The following IGF2R variants were observed in gnomAD, a reference collection of about 807,000 sequenced individuals.
IGF2R encodes insulin like growth factor 2 receptor.
Under a neutral mutation model 270.6 loss-of-function variants are expected in IGF2R, and 91 were observed. The observed-to-expected ratio is 0.34, with a 90% CI of 0.28 to 0.40. The LOEUF (loss-of-function observed/expected upper bound fraction) is 0.40, where lower values mean the gene tolerates loss of function less well. Ranked by LOEUF, IGF2R falls within the 10% of genes least tolerant of loss-of-function variation. The probability of loss-of-function intolerance (pLI) is 1.00; values close to 1 mark genes in which losing one functional copy is unlikely to be tolerated. For synonymous variants in IGF2R, 1,316 were observed against 1,258.9 expected (o/e 1.05, Z -0.96); for missense variants, 2,805 against 3,188.3 (o/e 0.88, Z 2.90).
intron 35 of IGF2R, 52 bp from the exon 36 acceptor site, chr6:160,075,795 C>T (rs1221476365): frequency 6.3e-7 from 1 of 1,588,880 alleles, no homozygotes; most frequent in Non-Finnish European, 8.6e-7. Context: ...TTCCACTAAC[C>T]TTGGGAATGG....
At chr6:160,077,909 C>T (rs1341132953) in intron 36 of IGF2R, among the ~76,000 whole-genome samples, 1 of 152,192 alleles carries the variant, frequency 6.6e-6, no homozygotes, top group African/African-American at 2.4e-5. Context: ...ACATATAAGC[C>T]CTCCCCCTTT....
In IGF2R at chr6:160,076,217, A is replaced by G. The variant is rs576604553; in HGVS notation, c.5316+221A>G. On this transcript the variant is annotated intron_variant, in intron 36 of 47. Coordinates refer to ENST00000356956, the MANE Select transcript of IGF2R (RefSeq NM_000876.4). Reference sequence around the variant, plus strand: ...AGCATATAGAAACTTGCTGTAATTTAAAAACATAGAACACAAGTATAGAAA... The same window carrying G: ...AGCATATAGAAACTTGCTGTAATTTGAAAACATAGAACACAAGTATAGAAA... Among the ~76,000 whole-genome samples, 97 of 152,380 alleles carry G rather than the reference A, an allele frequency of 6.4e-4. No individual in the cohort carries two copies. In the Middle Eastern group the frequency reaches 0.01, roughly 16 times the overall value.
At chr6:160,040,800 C>A in intron 11 of IGF2R, 76 bp downstream of exon 11, 2 of 1,437,138 alleles carry the variant, frequency 1.4e-6, no homozygotes, top group Non-Finnish European at 9.5e-7. Flanking sequence ...TTTGGAAATG[C>A]GGTTACTATT....
intron 10 of IGF2R, among the ~76,000 whole-genome samples, chr6:160,039,050 C>G (rs1036951): frequency 0.35 from 52,519 of 151,952 alleles, 9,579 homozygotes; most frequent in East Asian, 0.75. Context: ...GGATCAAATA[C>G]ATTAATATAG....
intron 2 of IGF2R, among the ~76,000 whole-genome samples, chr6:160,000,338 G>T (rs774332774): frequency 6.6e-6 from 1 of 152,146 alleles, no homozygotes; most frequent in Non-Finnish European, 1.5e-5. Flanking sequence ...ATGGTGACAG[G>T]AGAGGAGTGG....
At chr6:160,094,277 C>T (rs1779297408) in intron 44 of IGF2R, 3 of 285,598 alleles carry the variant, frequency 1.1e-5, no homozygotes, top group African/African-American at 2.2e-5. Flanking sequence ...CTGAATGCCA[C>T]ACATCCATCC....
chr6:160,088,578 A>G (rs1053179003), intron 42 of IGF2R, among the ~76,000 whole-genome samples: 10 of 152,180 alleles, frequency 6.6e-5, no homozygotes, highest in Admixed American at 5.2e-4. Context: ...ATCTGGTGCC[A>G]GGGAGAGCTT....
Position 159,991,188 on chromosome 6 carries a change from A to G in IGF2R, c.154A>G (p.Thr52Ala), listed in dbSNP as rs1169649545. The change falls in exon 2 of 48, where the codon ACA becomes GCA. Residue 52 changes from threonine (T) to alanine (A), a missense_variant. Thr to Ala is a moderately conservative substitution (Grantham distance 58). Around this residue, in one of 2 missense-constraint regions of IGF2R, gnomAD observed 954 missense variants for 981.1 expected, o/e 0.97. Coordinates refer to ENST00000356956, the MANE Select transcript of IGF2R (RefSeq NM_000876.4). ...AAPFPELCSY[T>A]WEAVDTKNNV... Reference sequence around the variant, plus strand: ...GTTGTTTTTCTTCCTTTCCAGTTATACATGGGAAGCTGTTGATACCAAAAA... The same window carrying G: ...GTTGTTTTTCTTCCTTTCCAGTTATGCATGGGAAGCTGTTGATACCAAAAA... The G allele has an allele frequency of 1.2e-6, 2 of 1,606,866 alleles. No homozygotes were observed. Among genetic ancestry groups the G allele is most frequent in the Non-Finnish European group, 8.5e-7 (1 of 1,176,916 alleles).
In IGF2R at chr6:160,089,741, T is replaced by C. The variant is rs149513322; in HGVS notation, c.6468-175T>C. ...GAAAGCCTCTTGAGAGGGAAACTGG[T>C]GTCCTCAGAATTGCTGTGGGGTCAC... On this transcript the variant is annotated intron_variant, in intron 43 of 47. Transcript: ENST00000356956. 3.3e-3 allele frequency among the ~76,000 whole-genome samples: 502 copies of C among 152,324 alleles called. 5 individuals are homozygous for C. Among genetic ancestry groups the C allele is most frequent in the African/African-American group, 0.012 (489 of 41,588 alleles).
At chr6:160,024,089 T>A (rs1377836451) in intron 4 of IGF2R, among the ~76,000 whole-genome samples, 1 of 152,068 alleles carries the variant, frequency 6.6e-6, no homozygotes, top group Non-Finnish European at 1.5e-5. Flanking sequence ...AGAGATGTTG[T>A]GGGTGAGCTG....
chr6:160,085,403 A>C (rs918978821), intron 41 of IGF2R, among the ~76,000 whole-genome samples: 2 of 152,158 alleles, frequency 1.3e-5, no homozygotes, highest in Non-Finnish European at 2.9e-5. Flanking sequence ...GAAGTCTCAG[A>C]ATGTTCAGAG....
chr6:160,059,342 A>G (rs1382964291), intron 22 of IGF2R, among the ~76,000 whole-genome samples: 5 of 152,250 alleles, frequency 3.3e-5, no homozygotes, highest in African/African-American at 1.2e-4. Context: ...GTATTTTGTG[A>G]GAAAGAATGA....
At chr6:160,019,655 G>A (rs889406019) in intron 4 of IGF2R, among the ~76,000 whole-genome samples, 17 of 152,144 alleles carry the variant, frequency 1.1e-4, no homozygotes, top group Non-Finnish European at 2.2e-4. Context: ...TGCAAGGATG[G>A]TTCAGTGTAT....
chr6:160,088,192 C>G (rs1387537233), intron 42 of IGF2R, 45 bp downstream of exon 42: 1 of 1,226,182 alleles, frequency 8.2e-7, no homozygotes, highest in South Asian at 1.2e-5. Flanking sequence ...AGTGAGCATA[C>G]TGGAGGGAAT....
chr6:159,977,125 C>A (rs1410768044), intron 1 of IGF2R, among the ~76,000 whole-genome samples: 2 of 152,184 alleles, frequency 1.3e-5, no homozygotes, highest in African/African-American at 4.8e-5. Flanking sequence ...TCACAGCTGC[C>A]TGTTCTTTCT....
rs1779058815 is a variant in IGF2R, at chr6:160,084,626, G to T, written c.6069-369G>T. 6.6e-6 allele frequency among the ~76,000 whole-genome samples: 1 copy of T among 152,148 alleles called. No individual in the cohort carries two copies. The highest frequency in any genetic ancestry group is 1.5e-5 in the Non-Finnish European group (1 of 68,026). On this transcript the variant is annotated intron_variant, in intron 40 of 47. Coordinates refer to ENST00000356956, the MANE Select transcript of IGF2R (RefSeq NM_000876.4). This position sits in a 1 kb window ranked among gnomAD's most constrained non-coding sequence, Gnocchi z 4.6. ...GGTGCTCCTGCAAGACATCACCGAG[G>T]AGCAGGGGCATGGACTCACAGGGTT...
At position 160,102,483 on chromosome 6, in the gene IGF2R, C is replaced by T. The variant is rs1779508126; in HGVS notation, c.6843-36C>T. 1.3e-6 allele frequency: 2 copies of T among 1,599,152 alleles called. No individual in the cohort carries two copies. Among genetic ancestry groups the T allele is most frequent in the African/African-American group, 1.3e-5 (1 of 74,822 alleles). ...TTGTGGCTGTGGCAGCAGGACCACC[C>T]TGTGACACGGCTCCTTTTCTGTGAC... On this transcript the variant is annotated intron_variant, in intron 45 of 47. Coordinates refer to ENST00000356956, the MANE Select transcript of IGF2R (RefSeq NM_000876.4). This position sits in a 1 kb window ranked among gnomAD's most constrained non-coding sequence, Gnocchi z 4.5.
Position 160,009,001 on chromosome 6 carries a change from T to C in IGF2R, c.290-9T>C. 1 of 1,613,706 alleles carries C rather than the reference T, an allele frequency of 6.2e-7. No homozygotes were observed. The highest frequency in any genetic ancestry group is 8.5e-7 in the Non-Finnish European group (1 of 1,179,768). On this transcript the variant is annotated splice_polypyrimidine_tract_variant and intron_variant, in intron 2 of 47. Transcript: ENST00000356956. ...TATAGCCTGTTCACTCTCTTTTCTC[T>C]CCAAATAGGTGACTCTGTTTTGAGA...
intron 10 of IGF2R, among the ~76,000 whole-genome samples, chr6:160,039,729 C>T (rs180945282): frequency 1.5e-4 from 23 of 152,244 alleles, no homozygotes; most frequent in African/African-American, 5.5e-4. Context: ...GAGTGTTGTG[C>T]CCACGGACCC....
Sources: gnomAD v4.1 joint callset for allele counts (sites outside exome capture counted in the v4.1 genomes callset) on GRCh38, gnomAD v4.1.1 for gene constraint, gnomAD v4.1.1 regional missense constraint, Gnocchi (gnomAD v3.1) non-coding constraint, MANE v1.5 for transcripts, NCBI Gene and HGNC (gene_info 2026-07-23, HGNC 2026-07-21) for gene names.